NEMP2: variants seen among roughly 807,000 people sequenced by gnomAD.
The protein encoded by NEMP2 is nuclear envelope integral membrane protein 2.
Under a neutral mutation model 54.2 loss-of-function variants are expected in NEMP2, and 53 were observed. The ratio of observed to expected loss-of-function variants is 0.98; its 90% CI spans 0.78 to 1.23. NEMP2 has a LOEUF of 1.23. NEMP2 is among the 50% of genes most tolerant of loss of function. NEMP2 has a pLI of 0.00. For synonymous variants in NEMP2, 197 were observed against 190.3 expected (o/e 1.04, Z -0.29); for missense variants, 455 against 511.3 (o/e 0.89, Z 1.06).
the NEMP2 span, among the ~76,000 whole-genome samples, chr2:190,475,275 A>G: frequency 6.6e-6 from 1 of 151,528 alleles, no homozygotes; most frequent in East Asian, 1.9e-4. Context: ...AAGTCAAATT[A>G]TCCCTGTTTG....
chr2:190,558,329 G>A, the NEMP2 span, among the ~76,000 whole-genome samples: 3 of 152,196 alleles, frequency 2.0e-5, no homozygotes, highest in Admixed American at 1.3e-4. The surrounding 1 kb of genome is among the most constrained non-coding windows in gnomAD (Gnocchi z 4.4). Context: ...TTTGGGGTTA[G>A]GGGCTAGGGG....
At chr2:190,584,947 G>GAAAGA in the NEMP2 span, among the ~76,000 whole-genome samples, 1 of 129,568 alleles carries the variant, frequency 7.7e-6, no homozygotes, top group African/African-American at 2.8e-5. The surrounding 1 kb of genome is among the most constrained non-coding windows in gnomAD (Gnocchi z 4.2). Flanking sequence ...AAGAAAGAAA[G>GAAAGA]AAAGAAAGAA....
At chr2:190,634,188 T>C in the NEMP2 span, among the ~76,000 whole-genome samples, 1 of 152,122 alleles carries the variant, frequency 6.6e-6, no homozygotes, top group African/African-American at 2.4e-5. The surrounding 1 kb of genome is among the most constrained non-coding windows in gnomAD (Gnocchi z 6.8). Context: ...AATAATAATA[T>C]AATAAACACC....
the NEMP2 span, among the ~76,000 whole-genome samples, chr2:190,556,230 CAT>C: frequency 6.6e-6 from 1 of 152,204 alleles, no homozygotes; most frequent in African/African-American, 2.4e-5. Context: ...CCAAAAACCA[CAT>C]GATTATCTCA....
chr2:190,424,342 TA>T, the NEMP2 span, among the ~76,000 whole-genome samples: 2 of 152,234 alleles, frequency 1.3e-5, no homozygotes, highest in East Asian at 1.9e-4. This position sits in a 1 kb window ranked among gnomAD's most constrained non-coding sequence, Gnocchi z 5.9. Context: ...GTTATTTATT[TA>T]TTTTTTTTTC....
At chr2:190,448,794 A>G in the NEMP2 span, among the ~76,000 whole-genome samples, 1 of 152,220 alleles carries the variant, frequency 6.6e-6, no homozygotes, top group African/African-American at 2.4e-5. Flanking sequence ...CTTTAAGGAA[A>G]TAATGGCAAA....
chr2:190,519,634 A>AG lies in NEMP2; in HGVS notation c.214-452dup, dbSNP rs1690686433. Reference sequence around the variant, plus strand: ...GTAGAGTTCTATGTTCTGATCCCAGAGGTGGACTCAAGAGATCTGTATTTA... The same window carrying AG: ...GTAGAGTTCTATGTTCTGATCCCAGAGGGTGGACTCAAGAGATCTGTATTTA... On this transcript the variant is annotated intron_variant, in intron 2 of 8. Transcript: ENST00000409150. This position sits in a 1 kb window ranked among gnomAD's most constrained non-coding sequence, Gnocchi z 5.4. Among the ~76,000 whole-genome samples, 10 of 152,352 alleles carry AG rather than the reference A, an allele frequency of 6.6e-5. No individual in the cohort carries two copies. The South Asian group carries it at 2.1e-3, about 32-fold the overall frequency.
the NEMP2 span, among the ~76,000 whole-genome samples, chr2:190,572,939 G>A: frequency 7.0e-6 from 1 of 143,548 alleles, no homozygotes; most frequent in Non-Finnish European, 1.5e-5. Context: ...AGGATTACTA[G>A]GTCAAAGGGT....
chr2:190,507,103 A>G lies in NEMP2; in HGVS notation c.*2086T>C, dbSNP rs77356176. On this transcript the variant is annotated 3_prime_UTR_variant, in exon 9 of 9. Coordinates refer to ENST00000409150, the MANE Select transcript of NEMP2 (RefSeq NM_001142645.2). The surrounding 1 kb of genome is among the most constrained non-coding windows in gnomAD (Gnocchi z 4.4). The stretch of plus-strand genomic sequence containing the variant: ...ATAATACACCCCCAAATCAAATGAA[A>G]ACAACATAAATACACTAAAAATATC... 5.3e-5 allele frequency: 8 copies of G among 152,352 alleles called. No individual in the cohort carries two copies. The East Asian group carries it at 1.2e-3, about 22-fold the overall frequency. The allele number at this position is 152,352 out of a possible 1,614,324, so 9.4% of individuals were successfully genotyped here. A position where few individuals can be genotyped will look rare whatever the true frequency, so the allele number is the denominator to read the frequency against.
At chr2:190,568,964 T>C in the NEMP2 span, among the ~76,000 whole-genome samples, 3 of 151,766 alleles carry the variant, frequency 2.0e-5, no homozygotes, top group Non-Finnish European at 4.4e-5. This position sits in a 1 kb window ranked among gnomAD's most constrained non-coding sequence, Gnocchi z 4.7. Context: ...GATAATAATA[T>C]CTGGAACTGA....
At chr2:190,421,894 TAGATAATATCTAGTGTC>T in the NEMP2 span, among the ~76,000 whole-genome samples, 2 of 152,174 alleles carry the variant, frequency 1.3e-5, no homozygotes, top group African/African-American at 4.8e-5. Flanking sequence ...TTAAAGACAC[TAGATAATATCTAGTGTC>T]TTCCCACTAT....
the NEMP2 span, among the ~76,000 whole-genome samples, chr2:190,637,724 T>C: frequency 6.6e-6 from 1 of 152,194 alleles, no homozygotes; most frequent in African/African-American, 2.4e-5. This position sits in a 1 kb window ranked among gnomAD's most constrained non-coding sequence, Gnocchi z 4.5. Context: ...CATCACTCTT[T>C]CTTTGTGTGA....
At chr2:190,621,805 C>A in the NEMP2 span, among the ~76,000 whole-genome samples, 2 of 152,100 alleles carry the variant, frequency 1.3e-5, no homozygotes, top group African/African-American at 2.4e-5. Flanking sequence ...AAAGACTATT[C>A]TTTTTAATAA....
the NEMP2 span, among the ~76,000 whole-genome samples, chr2:190,457,060 A>T: frequency 1.3e-5 from 2 of 152,224 alleles, no homozygotes; most frequent in African/African-American, 4.8e-5. This position sits in a 1 kb window ranked among gnomAD's most constrained non-coding sequence, Gnocchi z 5.1. Flanking sequence ...AAGTCTATCT[A>T]CACTAACACT....
chr2:190,575,984 T>A, the NEMP2 span, among the ~76,000 whole-genome samples: 1 of 152,048 alleles, frequency 6.6e-6, no homozygotes, highest in Non-Finnish European at 1.5e-5. Flanking sequence ...TTTACTTTTT[T>A]TTTTTTTTGA....
At chr2:190,614,263 T>TA in the NEMP2 span, among the ~76,000 whole-genome samples, 2 of 152,222 alleles carry the variant, frequency 1.3e-5, no homozygotes, top group African/African-American at 2.4e-5. This position sits in a 1 kb window ranked among gnomAD's most constrained non-coding sequence, Gnocchi z 5.7. Flanking sequence ...ACAGTGCACT[T>TA]AAAAAAACCT....
intron 5 of NEMP2, among the ~76,000 whole-genome samples, 183 bp downstream of exon 5, chr2:190,517,337 C>A (rs1690597044): frequency 6.6e-6 from 1 of 151,412 alleles, no homozygotes; most frequent in African/African-American, 2.4e-5. Context: ...TCAGCTAAGC[C>A]TACATATAGT....
the NEMP2 span, among the ~76,000 whole-genome samples, chr2:190,588,864 C>A: frequency 6.6e-6 from 1 of 152,062 alleles, no homozygotes; most frequent in African/African-American, 2.4e-5. This position sits in a 1 kb window ranked among gnomAD's most constrained non-coding sequence, Gnocchi z 5.0. Context: ...GCCTGTTGAC[C>A]AAGAAAAGTT....
At position 190,507,653 on chromosome 2, in the gene NEMP2, A is replaced by T. The variant is rs1224186277; in HGVS notation, c.*1536T>A. On this transcript the variant is annotated 3_prime_UTR_variant, in exon 9 of 9. Coordinates refer to ENST00000409150, the MANE Select transcript of NEMP2 (RefSeq NM_001142645.2). This position sits in a 1 kb window ranked among gnomAD's most constrained non-coding sequence, Gnocchi z 4.4. ...TAAAGGCAGATTAACTTTAGTGGATATTACAAAAAAAAAAGTTCCCAGTAT... is the reference window on the plus strand; with the variant it reads ...TAAAGGCAGATTAACTTTAGTGGATTTTACAAAAAAAAAAGTTCCCAGTAT... The T allele has an allele frequency of 6.6e-6, 1 of 152,094 alleles. No homozygotes were observed. Among genetic ancestry groups the T allele is most frequent in the African/African-American group, 2.4e-5 (1 of 41,440 alleles). 9.4% of individuals were successfully genotyped at this position (152,094 alleles called of 1,614,324 possible).
Sources: gnomAD v4.1 joint callset for allele counts (sites outside exome capture counted in the v4.1 genomes callset) on GRCh38, gnomAD v4.1.1 for gene constraint, Gnocchi (gnomAD v3.1) non-coding constraint, MANE v1.5 for transcripts, NCBI Gene and HGNC (gene_info 2026-07-23, HGNC 2026-07-21) for gene names.